FASTKD1: variants seen among roughly 807,000 people sequenced by gnomAD.
FASTKD1 encodes the protein FAST kinase domains 1.
In FASTKD1, 94 loss-of-function variants were observed where a neutral mutation model predicts 90.9. The observed-to-expected ratio is 1.03, with a 90% CI of 0.88 to 1.23. The LOEUF is 1.23. FASTKD1 is among the 50% of genes most tolerant of loss of function. The probability of loss-of-function intolerance (pLI) is 0.00; values close to 1 mark genes in which losing one functional copy is unlikely to be tolerated. For synonymous variants in FASTKD1, 319 were observed against 345.8 expected (o/e 0.92, Z 0.86); for missense variants, 945 against 993.5 (o/e 0.95, Z 0.66).
In FASTKD1 at chr2:169,560,748, T is replaced by C; in HGVS notation, c.610A>G (p.Ile204Val). ...AGTTGTTGTTGAAAATGTCGTGATA[T>C]TAAAGAAGATATGTTGACCATCAAG... ...SVLMVNISSL[I>V]SRHFQQQLVN... Residue 204 changes from isoleucine (I) to valine (V), a missense_variant, in exon 5 of 15, where the codon ATA (isoleucine) becomes GTA (valine). Physicochemically the swap from Ile to Val is conservative, Grantham distance 29 (BLOSUM62 3). Transcript: ENST00000453153. 3 of 1,591,348 alleles carry C rather than the reference T, an allele frequency of 1.9e-6. No individual in the cohort carries two copies. The highest frequency in any genetic ancestry group is 2.6e-6 in the Non-Finnish European group (3 of 1,171,260).
rs750542359 is a variant in FASTKD1, at chr2:169,546,355, C to T, written c.1564G>A (p.Ala522Thr). 64 of 1,613,956 alleles carry T rather than the reference C, an allele frequency of 4.0e-5. No homozygotes were observed. Among genetic ancestry groups the T allele is most frequent in the Admixed American group, 8.3e-5 (5 of 59,978 alleles). ...FPESLLEEMI[A>T]TLQHFMDDIN... ...TCATCCATGAAATGCTGTAAAGTAG[C>T]AATCATTTCTTCAAGAAGTGACTCA... Residue 522 changes from alanine (A) to threonine (T), a missense_variant, in exon 8 of 15, where the codon GCT becomes ACT. By Grantham distance (58) the Ala-to-Thr change is moderately conservative (BLOSUM62 0). Coordinates refer to ENST00000453153, the MANE Select transcript of FASTKD1 (RefSeq NM_024622.6).
chr2:169,556,923 C>T (rs991166830), intron 6 of FASTKD1, among the ~76,000 whole-genome samples: 5 of 151,560 alleles, frequency 3.3e-5, no homozygotes, highest in Non-Finnish European at 7.4e-5. Context: ...AAGAGAATTG[C>T]TTGAACCAGG....
At chr2:169,570,160 GTCA>G in intron 2 of FASTKD1, among the ~76,000 whole-genome samples, 1 of 152,112 alleles carries the variant, frequency 6.6e-6, no homozygotes, top group Non-Finnish European at 1.5e-5. Context: ...TGAAGGTTGG[GTCA>G]TCATGTGAGA....
At chr2:169,561,817 A>AATTATTTATTAATTTATTATAAATTATTT (rs1683646603) in intron 4 of FASTKD1, among the ~76,000 whole-genome samples, 2 of 139,810 alleles carry the variant, frequency 1.4e-5, no homozygotes, top group South Asian at 2.1e-4. Flanking sequence ...ATTTATTGTA[A>AATTATTTATTAATTTATTATAAATTATTT]ATTATTTATT....
rs369525329 is a variant in FASTKD1 at position 169,531,125 on chromosome 2, G to A, written c.2327+227C>T. 19 of 747,580 alleles carry A rather than the reference G, an allele frequency of 2.5e-5. No individual in the cohort carries two copies. In the African/African-American group the frequency reaches 2.7e-4, roughly 11 times the overall value. 46.3% of individuals were successfully genotyped at this position (747,580 alleles called of 1,614,324 possible). A position where few individuals can be genotyped will look rare whatever the true frequency, so the allele number is the denominator to read the frequency against. ...AGAAGATACTATTTTACTTCCAGTGGAGGACAATTCTTTTAGCACTTTAGT... is the reference window on the plus strand; with the variant it reads ...AGAAGATACTATTTTACTTCCAGTGAAGGACAATTCTTTTAGCACTTTAGT... On this transcript the variant is annotated intron_variant, in intron 13 of 14. Transcript: ENST00000453153.
At chr2:169,561,800 T>TTAATTTATTGTAAA (rs1683640144) in intron 4 of FASTKD1, among the ~76,000 whole-genome samples, 1 of 132,310 alleles carries the variant, frequency 7.6e-6, no homozygotes, top group Non-Finnish European at 1.6e-5. Flanking sequence ...TTGTAAATTA[T>TTAATTTATTGTAAA]TTATTAATTT....
chr2:169,569,357 C>A (rs1468862630), intron 2 of FASTKD1, 105 bp from the exon 3 acceptor site: 8 of 1,042,156 alleles, frequency 7.7e-6, no homozygotes, highest in East Asian at 2.4e-5. Context: ...TTATTTTCCT[C>A]TTATACAGGC....
At chr2:169,544,972 AT>A in intron 8 of FASTKD1, 137 bp from the exon 9 acceptor site, 2 of 546,058 alleles carry the variant, frequency 3.7e-6, no homozygotes, top group South Asian at 5.5e-5. Flanking sequence ...CTGCTTATTA[AT>A]TTTTCCATCC....
intron 2 of FASTKD1, among the ~76,000 whole-genome samples, chr2:169,570,233 T>C (rs892680646): frequency 1.3e-5 from 2 of 152,236 alleles, no homozygotes; most frequent in Non-Finnish European, 2.9e-5. Context: ...TTTTTGTTTT[T>C]TCCCCCTTGT....
intron 12 of FASTKD1, among the ~76,000 whole-genome samples, chr2:169,534,848 C>CT (rs946510712): frequency 1.3e-5 from 2 of 151,772 alleles, no homozygotes; most frequent in Non-Finnish European, 2.9e-5. Flanking sequence ...AGAAGAAAAC[C>CT]TTTTTGTCTT....
At chr2:169,573,245 T>G (rs1684308359) in intron 1 of FASTKD1, 1 of 152,214 alleles carries the variant, frequency 6.6e-6, no homozygotes, top group South Asian at 2.1e-4. Context: ...TGGCAAGCAG[T>G]ACAGCATCCT....
At position 169,560,604 on chromosome 2, in the gene FASTKD1, AT is replaced by A. The variant is rs753787556; in HGVS notation, c.753del (p.Arg251SerfsTer7). 5 of 1,610,196 alleles carry A rather than the reference AT, an allele frequency of 3.1e-6. No individual in the cohort carries two copies. In the Admixed American group the frequency reaches 8.5e-5, roughly 27 times the overall value. On this transcript the variant is annotated frameshift_variant, in exon 5 of 15. Coordinates refer to ENST00000453153, the MANE Select transcript of FASTKD1 (RefSeq NM_024622.6). LOFTEE classifies it high-confidence loss of function. ...ACATTACTTAAAAATACGTTATTACATCTTTCTAATAGTGGTTGATAACGAT... is the reference window on the plus strand; with the variant it reads ...ACATTACTTAAAAATACGTTATTACACTTTCTAATAGTGGTTGATAACGAT... Reference protein sequence around the residue: ...VRYRYQPLLERCNNVFLSNVD... With the variant: ...VRYRYQPLLEXCNNVFLSNVD...
chr2:169,559,366 C>T (rs1345743993), intron 5 of FASTKD1, among the ~76,000 whole-genome samples: 2 of 152,180 alleles, frequency 1.3e-5, no homozygotes, highest in Non-Finnish European at 2.9e-5. Context: ...CTTGGAACCC[C>T]TGCTTAAGTG....
chr2:169,537,297 CAT>C lies in FASTKD1; in HGVS notation c.2116_2117del (p.Met706ValfsTer26), dbSNP rs1211990210. ...TGATTCCTCCTAGTACCTCTGCTAA[CAT>C]TTTAAAAATCTGCTGTTGTGTTCCA... ...MDGTQQQIFK[M>X]LAEVLGGINC... On this transcript the variant is annotated frameshift_variant, in exon 12 of 15. Transcript: ENST00000453153. LOFTEE classifies it high-confidence loss of function. 1 of 1,613,332 alleles carries C rather than the reference CAT, an allele frequency of 6.2e-7. No individual in the cohort carries two copies. The highest frequency in any genetic ancestry group is 1.7e-5 in the Admixed American group (1 of 60,014).
At chr2:169,544,627 T>C (rs1685103428) in intron 9 of FASTKD1, 94 bp downstream of exon 9, 2 of 730,864 alleles carry the variant, frequency 2.7e-6, no homozygotes, top group East Asian at 5.4e-5. Flanking sequence ...ATGTCTATTA[T>C]GGTTACCCTT....
intron 5 of FASTKD1, among the ~76,000 whole-genome samples, chr2:169,560,000 A>G (rs980909226): frequency 1.3e-5 from 2 of 152,146 alleles, no homozygotes; most frequent in Non-Finnish European, 2.9e-5. Flanking sequence ...TGTGATGAAG[A>G]CAGCAAAGCA....
chr2:169,552,856 C>T lies in FASTKD1; in HGVS notation c.1214+2268G>A, dbSNP rs75082759. ...TCTCAGAATTCACCACTATACAATT[C>T]ATCCATGTAACAAAAAACCACTTGT... On this transcript the variant is annotated intron_variant, in intron 7 of 14. Coordinates refer to ENST00000453153, the MANE Select transcript of FASTKD1 (RefSeq NM_024622.6). Among the ~76,000 whole-genome samples, 1,431 of 152,184 alleles carry T rather than the reference C, an allele frequency of 9.4e-3. 31 individuals carry two copies. Among genetic ancestry groups the T allele is most frequent in the African/African-American group, 0.032 (1,330 of 41,518 alleles).
rs770247137 is a variant in FASTKD1, at chr2:169,544,705, C to A, written c.1816+16G>T. 5.7e-6 allele frequency: 8 copies of A among 1,414,392 alleles called. No homozygotes were observed. The highest frequency in any genetic ancestry group is 1.4e-5 in the African/African-American group (1 of 70,584). The allele number at this position is 1,414,392 out of a possible 1,614,324, so 87.6% of individuals were successfully genotyped here. A position where few individuals can be genotyped will look rare whatever the true frequency, so the allele number is the denominator to read the frequency against. ...CTGACTTATTCACTCAATGTATTAC[C>A]AAACAATATACCTACCTAAGTAAGA... On this transcript the variant is annotated intron_variant, in intron 9 of 14. Coordinates refer to ENST00000453153, the MANE Select transcript of FASTKD1 (RefSeq NM_024622.6).
At chr2:169,551,381 A>C (rs1313741981) in intron 7 of FASTKD1, among the ~76,000 whole-genome samples, 1 of 152,012 alleles carries the variant, frequency 6.6e-6, no homozygotes, top group East Asian at 1.9e-4. Flanking sequence ...AATAAATCGA[A>C]TATCCATCAA....
Sources: allele counts gnomAD v4.1 joint callset (sites outside exome capture counted in the v4.1 genomes callset), GRCh38; gene constraint gnomAD v4.1.1; transcripts MANE v1.5; gene names NCBI Gene and HGNC (gene_info 2026-07-23, HGNC 2026-07-21).